Variants in KIAA0825 observed in about 807,000 individuals in gnomAD.
KIAA0825 encodes the protein KIAA0825.
KIAA0825 carries 119 observed loss-of-function variants against 147.6 expected under a neutral mutation model. That is an observed-to-expected ratio of 0.81 (90% CI 0.69 to 0.94). The LOEUF (loss-of-function observed/expected upper bound fraction) is 0.94, where lower values mean the gene tolerates loss of function less well. KIAA0825 is among the 40% of genes least tolerant of loss of function. The pLI, the probability that KIAA0825 is intolerant of heterozygous loss-of-function variation, is 0.00. For synonymous variants in KIAA0825, 470 were observed against 518.1 expected (o/e 0.91, Z 1.26); for missense variants, 1,381 against 1,472.7 (o/e 0.94, Z 1.02).
At chr5:94,477,306 G>T (rs1433725218) in intron 6 of KIAA0825, 101 bp from the exon 7 acceptor site, 4 of 745,282 alleles carry the variant, frequency 5.4e-6, no homozygotes, top group African/African-American at 3.6e-5. Flanking sequence ...ACGTAGAAAA[G>T]TTCTATCCAC....
At chr5:94,370,497 ATAAAAT>A (rs769013690) in intron 20 of KIAA0825, among the ~76,000 whole-genome samples, 14 of 152,238 alleles carry the variant, frequency 9.2e-5, no homozygotes, top group Non-Finnish European at 2.1e-4. Context: ...GAATGGAAAA[ATAAAAT>A]TAAAATTTTT....
At chr5:94,474,903 C>T (rs1367702287) in intron 7 of KIAA0825, among the ~76,000 whole-genome samples, 4 of 152,276 alleles carry the variant, frequency 2.6e-5, no homozygotes, top group Non-Finnish European at 5.9e-5. Context: ...TCCTGGCTAA[C>T]ACGGTGAAAC....
intron 20 of KIAA0825, among the ~76,000 whole-genome samples, chr5:94,182,722 TA>T (rs1473549120): frequency 6.6e-6 from 1 of 152,210 alleles, no homozygotes; most frequent in African/African-American, 2.4e-5. Flanking sequence ...TAATATTGCA[TA>T]CCTTGAGAGA....
chr5:94,474,035 A>G (rs1369200760), intron 7 of KIAA0825, among the ~76,000 whole-genome samples: 1 of 152,224 alleles, frequency 6.6e-6, no homozygotes, highest in East Asian at 1.9e-4. Flanking sequence ...TAAATTTCTC[A>G]GAGAAAACAT....
At chr5:94,372,633 G>A (rs1031586388) in intron 20 of KIAA0825, among the ~76,000 whole-genome samples, 2 of 152,194 alleles carry the variant, frequency 1.3e-5, no homozygotes, top group Admixed American at 1.3e-4. Flanking sequence ...GGGGCCCTGG[G>A]CCCAGGCCAC....
intron 20 of KIAA0825, among the ~76,000 whole-genome samples, chr5:94,311,794 A>T (rs1467761459): frequency 3.3e-5 from 5 of 151,704 alleles, no homozygotes; most frequent in Non-Finnish European, 5.9e-5. Context: ...AAATCATCTA[A>T]AACTACCAGG....
intron 20 of KIAA0825, among the ~76,000 whole-genome samples, chr5:94,203,930 A>G (rs1771921719): frequency 6.6e-6 from 1 of 152,190 alleles, no homozygotes; most frequent in Non-Finnish European, 1.5e-5. Flanking sequence ...TTAACAAATA[A>G]AAATGTAAAG....
At chr5:94,383,808 T>A (rs1748763304) in intron 20 of KIAA0825, among the ~76,000 whole-genome samples, 1 of 151,860 alleles carries the variant, frequency 6.6e-6, no homozygotes, top group South Asian at 2.1e-4. Context: ...TGTGTGTGTG[T>A]GTGTGTGTGT....
At chr5:94,460,618 G>A (rs1759699319) in intron 12 of KIAA0825, among the ~76,000 whole-genome samples, 1 of 152,032 alleles carries the variant, frequency 6.6e-6, no homozygotes, top group Non-Finnish European at 1.5e-5. Context: ...ATTTTTTAAT[G>A]TGAGATTCAC....
At chr5:94,359,454 G>T (rs983745484) in intron 20 of KIAA0825, among the ~76,000 whole-genome samples, 4 of 152,102 alleles carry the variant, frequency 2.6e-5, no homozygotes, top group African/African-American at 9.7e-5. Flanking sequence ...TATTACTATG[G>T]TTTATAAGAA....
chr5:94,545,946 A>C (rs578080779), intron 2 of KIAA0825, among the ~76,000 whole-genome samples: 1 of 152,256 alleles, frequency 6.6e-6, no homozygotes, highest in East Asian at 1.9e-4. Context: ...CTTGGATGGC[A>C]TTTCTGGCCC....
chr5:94,288,366 G>GA lies in KIAA0825; in HGVS notation c.3710+96001dup, dbSNP rs887773273. Among the ~76,000 whole-genome samples, 10 of 151,652 alleles carry GA rather than the reference G, an allele frequency of 6.6e-5. 1 individual carries two copies. The highest frequency in any genetic ancestry group is 4.2e-4 in the South Asian group (2 of 4,800). ...AAACAGTATTGGAGCCATTTTTAAG[G>GA]AAAAAAAATTATAAAAATAAATATT... On this transcript the variant is annotated intron_variant, in intron 20 of 20. Transcript: ENST00000682413.
chr5:94,519,953 A>C lies in KIAA0825; in HGVS notation c.970+295T>G, dbSNP rs988453924. 37 of 976,194 alleles carry C rather than the reference A, an allele frequency of 3.8e-5. No homozygotes were observed. The East Asian group carries it at 1.8e-3, about 47-fold the overall frequency. 60.5% of individuals were successfully genotyped at this position (976,194 alleles called of 1,614,324 possible). A position where few individuals can be genotyped will look rare whatever the true frequency, so the allele number is the denominator to read the frequency against. On this transcript the variant is annotated intron_variant, in intron 5 of 20. Coordinates refer to ENST00000682413, the MANE Select transcript of KIAA0825 (RefSeq NM_001145678.3). ...CTCATTTATATATATGTGTGTATAC[A>C]CACAGTTTCACAAATACTGTTTGTC...
At chr5:94,464,686 C>T (rs1361137406) in intron 11 of KIAA0825, among the ~76,000 whole-genome samples, 183 bp downstream of exon 11, 8 of 152,058 alleles carry the variant, frequency 5.3e-5, no homozygotes, top group African/African-American at 9.7e-5. Context: ...AAAGAACAAA[C>T]GTATTTTGAA....
chr5:94,499,930 C>T (rs959865834), intron 5 of KIAA0825, among the ~76,000 whole-genome samples: 3 of 151,968 alleles, frequency 2.0e-5, no homozygotes, highest in Admixed American at 6.6e-5. Flanking sequence ...GCTGTAGGAG[C>T]GTGGATTAGG....
chr5:94,191,412 C>T (rs1320556467), intron 20 of KIAA0825, among the ~76,000 whole-genome samples: 1 of 152,022 alleles, frequency 6.6e-6, no homozygotes, highest in East Asian at 1.9e-4. Flanking sequence ...ATTCATCATG[C>T]AGAAAATAGT....
Position 94,396,148 on chromosome 5 carries a change from G to C in KIAA0825, c.3249C>G (p.Asn1083Lys). The change falls in exon 17 of 21, where the codon AAC (asparagine) becomes AAG (lysine). Residue 1083 changes from asparagine (N) to lysine (K), a missense_variant. Transcript: ENST00000682413. The part of the protein sequence containing the change: ...VIQSIEQQKP[N>K]WIERQLLKAR... ...CTTTCAACAATTGACGTTCAATCCA[G>C]TTGGGCTTCTGCTGCTCAATGCTCT... The C allele has an allele frequency of 6.5e-7, 1 of 1,530,076 alleles. No homozygotes were observed. Among genetic ancestry groups the C allele is most frequent in the Non-Finnish European group, 8.8e-7 (1 of 1,139,390 alleles). 94.8% of individuals were successfully genotyped at this position (1,530,076 alleles called of 1,614,324 possible).
chr5:94,333,852 T>C (rs890599303), intron 20 of KIAA0825, among the ~76,000 whole-genome samples: 4 of 152,074 alleles, frequency 2.6e-5, no homozygotes, highest in South Asian at 2.1e-4. Flanking sequence ...CATTCACAAT[T>C]GCTACAAAGA....
Position 94,514,219 on chromosome 5 carries a change from G to C in KIAA0825, c.970+6029C>G, listed in dbSNP as rs184655052. On this transcript the variant is annotated intron_variant, in intron 5 of 20. Transcript: ENST00000682413. ...CTTAACTCTGGTAAAAATGGTATAT[G>C]TAACCAGGTTACTTGCATCTTTAGG... Among the ~76,000 whole-genome samples the C allele has an allele frequency of 7.9e-5, 12 of 152,172 alleles. No homozygotes were observed. The East Asian group carries it at 2.3e-3, about 29-fold the overall frequency.
Sources: gnomAD v4.1 joint callset for allele counts (sites outside exome capture counted in the v4.1 genomes callset) on GRCh38, gnomAD v4.1.1 for gene constraint, MANE v1.5 for transcripts, NCBI Gene and HGNC (gene_info 2026-07-23, HGNC 2026-07-21) for gene names.